Variants in MYT1L observed in about 807,000 individuals in gnomAD.
MYT1L encodes myelin transcription factor 1-like protein.
In MYT1L, 12 loss-of-function variants were observed where a neutral mutation model predicts 126.7. The ratio of observed to expected loss-of-function variants is 0.09; its 90% CI spans 0.06 to 0.15. MYT1L has a LOEUF of 0.15. Ranked by LOEUF, MYT1L falls within the 10% of genes least tolerant of loss-of-function variation. The pLI is 1.00. For synonymous variants in MYT1L, 541 were observed against 604.2 expected (o/e 0.90, Z 1.53); for missense variants, 979 against 1,585.2 (o/e 0.62, Z 6.49).
intron 3 of MYT1L, among the ~76,000 whole-genome samples, chr2:2,089,919 A>C (rs1198988298): frequency 1.3e-5 from 2 of 152,196 alleles, no homozygotes; most frequent in South Asian, 2.1e-4. Context: ...CCCTGTGAAC[A>C]TAAGTGAGAT....
At chr2:1,831,539 T>C (rs1438510595) in intron 21 of MYT1L, among the ~76,000 whole-genome samples, 1 of 152,206 alleles carries the variant, frequency 6.6e-6, no homozygotes, top group Admixed American at 6.5e-5. Context: ...GAACTTTCCA[T>C]CTGACTCTCG....
intron 18 of MYT1L, among the ~76,000 whole-genome samples, chr2:1,863,436 C>G (rs1294730401): frequency 6.6e-5 from 10 of 152,338 alleles, no homozygotes; most frequent in Non-Finnish European, 1.0e-4. Context: ...CTGCAATCCA[C>G]CCAAGGGTGA....
At chr2:1,795,369 G>A (rs888159517) in intron 23 of MYT1L, among the ~76,000 whole-genome samples, 3 of 152,226 alleles carry the variant, frequency 2.0e-5, no homozygotes, top group African/African-American at 4.8e-5. Flanking sequence ...TGGCCAGCAC[G>A]CTGCGGCGGT....
chr2:2,174,159 T>A (rs1024577062), intron 2 of MYT1L, among the ~76,000 whole-genome samples: 3 of 152,242 alleles, frequency 2.0e-5, no homozygotes, highest in Admixed American at 6.5e-5. Context: ...GTTAGCGTAT[T>A]CGTTTTGTTG....
intron 2 of MYT1L, among the ~76,000 whole-genome samples, chr2:2,176,879 G>A (rs1221019999): frequency 6.6e-6 from 1 of 152,176 alleles, no homozygotes; most frequent in Non-Finnish European, 1.5e-5. Flanking sequence ...AAGGACACCA[G>A]CAAATGCAAT....
chr2:2,043,204 A>G (rs186373051), intron 4 of MYT1L, among the ~76,000 whole-genome samples: 1 of 152,126 alleles, frequency 6.6e-6, no homozygotes, highest in African/African-American at 2.4e-5. Flanking sequence ...ATTCCTCCAA[A>G]ATTGAGGACT....
At chr2:2,039,128 G>T (rs530715651) in intron 4 of MYT1L, among the ~76,000 whole-genome samples, 2 of 152,326 alleles carry the variant, frequency 1.3e-5, no homozygotes, top group African/African-American at 4.8e-5. Flanking sequence ...ATCTCACGGA[G>T]CGCATTTTCC....
chr2:2,303,167 T>C (rs7607340), intron 1 of MYT1L, among the ~76,000 whole-genome samples: 107 of 152,338 alleles, frequency 7.0e-4, no homozygotes, highest in African/African-American at 2.5e-3. Flanking sequence ...GGCGATCACC[T>C]TCATCAACAT....
intron 2 of MYT1L, among the ~76,000 whole-genome samples, chr2:2,186,280 C>T (rs1439661207): frequency 6.7e-6 from 1 of 150,112 alleles, no homozygotes; most frequent in Non-Finnish European, 1.5e-5. Flanking sequence ...TCCCGCGTTC[C>T]TTTCGTGAGG....
At position 1,937,563 on chromosome 2, in the gene MYT1L, G is replaced by T. The variant is rs576977365; in HGVS notation, c.505+5419C>A. 2.0e-5 allele frequency among the ~76,000 whole-genome samples: 3 copies of T among 150,986 alleles called. No individual in the cohort carries two copies. In the East Asian group the frequency reaches 5.9e-4, roughly 30 times the overall value. On this transcript the variant is annotated intron_variant, in intron 9 of 24. Transcript: ENST00000647738. ...AGCCATCAGATCGCACAGTGAGAAG[G>T]CCCTAATGTCCACAGCCATCAGATC...
intron 4 of MYT1L, among the ~76,000 whole-genome samples, chr2:2,042,222 C>T (rs540669450): frequency 6.6e-6 from 1 of 152,230 alleles, no homozygotes; most frequent in East Asian, 1.9e-4. Context: ...ATCTTCTGGG[C>T]AAGTTTAAGG....
At chr2:2,201,641 G>A (rs1053557853) in intron 2 of MYT1L, among the ~76,000 whole-genome samples, 3 of 151,614 alleles carry the variant, frequency 2.0e-5, no homozygotes, top group Admixed American at 2.0e-4. Context: ...GAAGCTGCAG[G>A]GAGTTGAGAT....
At chr2:2,265,495 G>A (rs2095104357) in intron 2 of MYT1L, among the ~76,000 whole-genome samples, 1 of 152,136 alleles carries the variant, frequency 6.6e-6, no homozygotes, top group South Asian at 2.1e-4. Context: ...GCAGCCAGTG[G>A]CATGTGAAAG....
chr2:1,894,654 T>C (rs13431964), intron 14 of MYT1L, among the ~76,000 whole-genome samples: 6,910 of 150,984 alleles, frequency 0.046, 218 homozygotes, highest in Non-Finnish European at 0.06. Flanking sequence ...AATGAGGGAA[T>C]TTCAATTCCT....
At chr2:2,243,738 T>C (rs1224775116) in intron 2 of MYT1L, among the ~76,000 whole-genome samples, 1 of 152,224 alleles carries the variant, frequency 6.6e-6, no homozygotes, top group East Asian at 1.9e-4. Context: ...TCTCATATTT[T>C]TGTCTTTTGT....
intron 3 of MYT1L, among the ~76,000 whole-genome samples, chr2:2,147,451 G>A (rs773138572): frequency 1.2e-4 from 19 of 152,228 alleles, no homozygotes; most frequent in Non-Finnish European, 1.0e-4. Flanking sequence ...AGGAAGGACC[G>A]TTCCCTCCAT....
At chr2:1,968,101 G>A (rs954041190) in intron 8 of MYT1L, among the ~76,000 whole-genome samples, 83 of 152,300 alleles carry the variant, frequency 5.4e-4, no homozygotes, top group African/African-American at 2.0e-3. Flanking sequence ...GGGTGCTCAG[G>A]GAAGCCCAGC....
intron 21 of MYT1L, among the ~76,000 whole-genome samples, chr2:1,813,162 G>T (rs1015752855): frequency 1.3e-5 from 2 of 152,184 alleles, no homozygotes; most frequent in Admixed American, 1.3e-4. Context: ...GGCATTGAGG[G>T]GCCAGGAGCT....
chr2:1,852,977 G>A lies in MYT1L; in HGVS notation c.2712-1274C>T, dbSNP rs1049094315. Among the ~76,000 whole-genome samples the A allele has an allele frequency of 6.6e-6, 1 of 152,248 alleles. No individual in the cohort carries two copies. Among genetic ancestry groups the A allele is most frequent in the African/African-American group, 2.4e-5 (1 of 41,460 alleles). ...TTACAGGTGGGCTTTCTCAAGATCA[G>A]AGGAGAATGGCAGGGATTAGAGTGG... On this transcript the variant is annotated intron_variant, in intron 18 of 24. Transcript: ENST00000647738. The surrounding 1 kb of genome is among the most constrained non-coding windows in gnomAD (Gnocchi z 4.0).
Sources: gnomAD v4.1 joint callset for allele counts (sites outside exome capture counted in the v4.1 genomes callset) on GRCh38, gnomAD v4.1.1 for gene constraint, Gnocchi (gnomAD v3.1) non-coding constraint, MANE v1.5 for transcripts, NCBI Gene and HGNC (gene_info 2026-07-23, HGNC 2026-07-21) for gene names.